SH3D21: variants seen among roughly 807,000 people sequenced by gnomAD.
The protein encoded by SH3D21 is manchette microtubule inner protein 1.
In SH3D21, 83 loss-of-function variants were observed where a neutral mutation model predicts 82.1. The ratio of observed to expected loss-of-function variants is 1.01; its 90% CI spans 0.85 to 1.21. The LOEUF is 1.21. Among genes scored for constraint, SH3D21 ranks in the 50% most tolerant of loss-of-function variants. The probability of loss-of-function intolerance (pLI) is 0.00; values close to 1 mark genes in which losing one functional copy is unlikely to be tolerated. For synonymous variants in SH3D21, 383 were observed against 387.8 expected, an observed-to-expected ratio of 0.99 and a Z score of 0.15; for missense variants, 980 against 962.1, an observed-to-expected ratio of 1.02 and a Z score of -0.25.
downstream of SH3D21, chr1:36,322,261 AC>A: frequency 6.8e-7 from 1 of 1,459,908 alleles, no homozygotes; most frequent in Non-Finnish European, 9.0e-7. Context: ...CAGGTCCGGT[AC>A]CCCGAGCGCC....
downstream of SH3D21, chr1:36,321,355 C>T: frequency 3.6e-6 from 5 of 1,400,752 alleles, no homozygotes; most frequent in East Asian, 2.6e-5. This position sits in a 1 kb window ranked among gnomAD's most constrained non-coding sequence, Gnocchi z 6.1. Flanking sequence ...TTCCCAAGGC[C>T]TGCGCGCGGC....
chr1:36,315,550 T>C (rs1570392384), intron 10 of SH3D21, among the ~76,000 whole-genome samples: 1 of 152,120 alleles, frequency 6.6e-6, no homozygotes, highest in Non-Finnish European at 1.5e-5. Context: ...GGTTTCACCA[T>C]GTTGGCCAGG....
At chr1:36,315,130 G>T (rs28517358) in intron 10 of SH3D21, among the ~76,000 whole-genome samples, 1 of 151,908 alleles carries the variant, frequency 6.6e-6, no homozygotes, top group Non-Finnish European at 1.5e-5. Context: ...ACAAAAATTA[G>T]CAGGGCGTGG....
At chr1:36,322,003 G>T (rs1646471585), downstream of SH3D21, 2 of 1,227,626 alleles carry the variant, frequency 1.6e-6, no homozygotes, top group Admixed American at 4.1e-5. Flanking sequence ...GTCGCTGGGG[G>T]CAGGAGTAAC....
At position 36,319,912 on chromosome 1, in the gene SH3D21, G is replaced by A; in HGVS notation, c.1249G>A (p.Glu417Lys). The change falls in exon 14 of 16, where the codon GAG becomes AAG. Residue 417 changes from glutamate to lysine, a missense_variant. By Grantham distance (56) the Glu-to-Lys change is moderately conservative (BLOSUM62 1). Coordinates refer to ENST00000453908, the MANE Select transcript of SH3D21 (RefSeq NM_001162530.2). ...AGCTCCTGACAAAGTCCCCACCCCA[G>A]AGAAGATGGTGACTCCGGAGGACAA... ...IPAPDKVPTP[E>K]KMVTPEDKAS... 1 of 1,614,070 alleles carries A rather than the reference G, an allele frequency of 6.2e-7. No individual in the cohort carries two copies. Among genetic ancestry groups the A allele is most frequent in the South Asian group, 1.1e-5 (1 of 91,076 alleles).
downstream of SH3D21, chr1:36,322,157 G>A: frequency 2.2e-6 from 3 of 1,350,880 alleles, no homozygotes; most frequent in Non-Finnish European, 2.9e-6. Flanking sequence ...GGGGAAGGGA[G>A]CCTCTCAGGG....
downstream of SH3D21, among the ~76,000 whole-genome samples, chr1:36,329,774 G>A (rs547818630): frequency 6.6e-6 from 1 of 152,248 alleles, no homozygotes; most frequent in African/African-American, 2.4e-5. Flanking sequence ...CTGAGGAGGT[G>A]GTATTCTGAG....
Position 36,319,907 on chromosome 1 carries a change from C to T in SH3D21, c.1244C>T (p.Thr415Ile). Residue 415 changes from threonine (T) to isoleucine (I), a missense_variant, in exon 14 of 16, where the codon ACC becomes ATC. Thr to Ile is a moderately conservative substitution (Grantham distance 89). Coordinates refer to ENST00000453908, the MANE Select transcript of SH3D21 (RefSeq NM_001162530.2). ...ATCCCAGCTCCTGACAAAGTCCCCA[C>T]CCCAGAGAAGATGGTGACTCCGGAG... ...GKIPAPDKVP[T>I]PEKMVTPEDK... The T allele has an allele frequency of 1.2e-6, 2 of 1,614,140 alleles. No individual in the cohort carries two copies. The highest frequency in any genetic ancestry group is 2.2e-5 in the South Asian group (2 of 91,086).
Position 36,308,409 on chromosome 1 carries a change from G to C in SH3D21, c.660G>C (p.Trp220Cys). The C allele has an allele frequency of 6.4e-7, 1 of 1,551,966 alleles. No homozygotes were observed. The highest frequency in any genetic ancestry group is 8.7e-7 in the Non-Finnish European group (1 of 1,147,058). ...TCCAGACCACAGAGGATAAGGGCTG[G>C]TGGGAAGGAGAGTGTCAAGGACGAA... is the stretch of plus-strand genomic sequence containing the variant. ...VLSKTTEDKG[W>C]WEGECQGRRG... Residue 220 changes from tryptophan to cysteine, a missense_variant, in exon 9 of 16, where the codon TGG (tryptophan) becomes TGC (cysteine). By Grantham distance (215) the Trp-to-Cys change is radical (BLOSUM62 -2). Coordinates refer to ENST00000453908, the MANE Select transcript of SH3D21 (RefSeq NM_001162530.2).
chr1:36,328,033 T>C (rs1189074860), downstream of SH3D21: 6 of 494,254 alleles, frequency 1.2e-5, no homozygotes, highest in Non-Finnish European at 2.3e-5. Flanking sequence ...TCGCTGCCTA[T>C]CTGCCCAGGA....
chr1:36,320,152 A>C lies in SH3D21; in HGVS notation c.1489A>C (p.Thr497Pro). The stretch of plus-strand genomic sequence containing the variant: ...AGAGCTTTCTGAAGAAGAGGTGTCC[A>C]CCAGAGATGACATTCAATTCCATCA... ...TPELSEEEVS[T>P]RDDIQFHHFS... is the part of the protein sequence containing the mutation. The change falls in exon 14 of 16, where the codon ACC (threonine) becomes CCC (proline). Residue 497 changes from threonine to proline, a missense_variant. By Grantham distance (38) the Thr-to-Pro change is conservative. Transcript: ENST00000453908. 6.2e-7 allele frequency: 1 copy of C among 1,613,848 alleles called. No individual in the cohort carries two copies. Among genetic ancestry groups the C allele is most frequent in the Non-Finnish European group, 8.5e-7 (1 of 1,180,032 alleles).
chr1:36,311,818 C>G lies in SH3D21; in HGVS notation c.769+2228C>G. On this transcript the variant is annotated intron_variant, in intron 10 of 15. Coordinates refer to ENST00000453908, the MANE Select transcript of SH3D21 (RefSeq NM_001162530.2). ...AAGCGATTCTTTCACCTCAGCCTCT[C>G]TTGTAGCTGGTACTACAGGTACAAG... is the stretch of plus-strand genomic sequence containing the variant. Among the ~76,000 whole-genome samples, 2 of 151,856 alleles carry G rather than the reference C, an allele frequency of 1.3e-5. 1 individual carries two copies. The highest frequency in any genetic ancestry group is 2.9e-5 in the Non-Finnish European group (2 of 67,956).
intron 8 of SH3D21, 56 bp from the exon 9 acceptor site, chr1:36,308,333 C>T (rs116632748): frequency 2.0e-6 from 3 of 1,523,820 alleles, no homozygotes; most frequent in African/African-American, 1.4e-5. Context: ...AGTGGGACCC[C>T]GGAAAGGACC....
In SH3D21 at chr1:36,306,834, A is replaced by C; in HGVS notation, c.163-8A>C. The C allele has an allele frequency of 7.7e-7, 1 of 1,295,964 alleles. No individual in the cohort carries two copies. The highest frequency in any genetic ancestry group is 1.0e-6 in the Non-Finnish European group (1 of 989,810). 80.3% of individuals were successfully genotyped at this position (1,295,964 alleles called of 1,614,324 possible). A position where few individuals can be genotyped will look rare whatever the true frequency, so the allele number is the denominator to read the frequency against. ...CTGAGAGCGCCTTCCCCGTGCCCTG[A>C]TTCCCAGGAGATCCCAGAGACCCTG... On this transcript the variant is annotated splice_polypyrimidine_tract_variant and splice_region_variant and intron_variant, in intron 2 of 15. Transcript: ENST00000453908. This position sits in a 1 kb window ranked among gnomAD's most constrained non-coding sequence, Gnocchi z 4.5.
At chr1:36,320,856 G>T in intron 14 of SH3D21, 58 bp downstream of exon 14, 1 of 1,550,410 alleles carries the variant, frequency 6.4e-7, no homozygotes, top group East Asian at 2.4e-5. Flanking sequence ...CCTCACCTGC[G>T]CAGCCCCTCA....
At chr1:36,329,362 C>G (rs1477194399), downstream of SH3D21, 1 of 152,216 alleles carries the variant, frequency 6.6e-6, no homozygotes, top group Non-Finnish European at 1.5e-5. Context: ...CTTCTCTTTA[C>G]ACAGTAGTTG....
chr1:36,323,481 T>G, downstream of SH3D21: 1 of 152,998 alleles, frequency 6.5e-6, no homozygotes, highest in East Asian at 1.9e-4. Context: ...GCTTCCCGGC[T>G]GCCCGGCCCC....
intron 10 of SH3D21, among the ~76,000 whole-genome samples, chr1:36,317,355 A>G (rs1646362040): frequency 6.6e-6 from 1 of 152,138 alleles, no homozygotes; most frequent in Non-Finnish European, 1.5e-5. Flanking sequence ...GCCCCCAACC[A>G]CTGTCAGATT....
intron 12 of SH3D21, 38 bp downstream of exon 12, chr1:36,319,350 G>A (rs1431587153): frequency 6.4e-7 from 1 of 1,551,488 alleles, no homozygotes; most frequent in Non-Finnish European, 8.7e-7. Context: ...GAGGACTGGA[G>A]GACAGGGATG....
Sources: allele counts gnomAD v4.1 joint callset (sites outside exome capture counted in the v4.1 genomes callset), GRCh38; gene constraint gnomAD v4.1.1; non-coding constraint Gnocchi (gnomAD v3.1); transcripts MANE v1.5; gene names NCBI Gene and HGNC (gene_info 2026-07-23, HGNC 2026-07-21).